Variants in ABTB2 observed in about 807,000 individuals in gnomAD.
ABTB2 encodes ankyrin repeat and BTB domain containing 2.
Under a neutral mutation model 104.1 loss-of-function variants are expected in ABTB2, and 56 were observed. The observed-to-expected ratio is 0.54, with a 90% CI of 0.43 to 0.67. The LOEUF (loss-of-function observed/expected upper bound fraction) is 0.67. ABTB2 is among the 30% of genes least tolerant of loss of function. The probability of loss-of-function intolerance (pLI) is 0.00; values close to 1 mark genes in which losing one functional copy is unlikely to be tolerated. For synonymous variants in ABTB2, 606 were observed against 608.2 expected (o/e 1.00, Z 0.05); for missense variants, 1,279 against 1,407.7 (o/e 0.91, Z 1.46).
intron 1 of ABTB2, among the ~76,000 whole-genome samples, chr11:34,321,775 GA>G (rs1855007288): frequency 6.6e-6 from 1 of 152,176 alleles, no homozygotes; most frequent in Non-Finnish European, 1.5e-5. Context: ...CAAGTCTCAA[GA>G]CCCCAAACCA....
At position 34,151,215 on chromosome 11, in the gene ABTB2, GAATA is replaced by G. The variant is rs1346684084; in HGVS notation, c.*1168_*1171del. The G allele has an allele frequency of 6.6e-6, 1 of 152,560 alleles. No homozygotes were observed. The highest frequency in any genetic ancestry group is 2.4e-5 in the African/African-American group (1 of 41,466). 9.5% of individuals were successfully genotyped at this position (152,560 alleles called of 1,614,324 possible). A position where few individuals can be genotyped will look rare whatever the true frequency, so the allele number is the denominator to read the frequency against. ...TTCTGAAATGCCTGGGGCTTTTGGT[GAATA>G]AATAGTTTTTAAGGTGCGGCCAGAC... is the stretch of plus-strand genomic sequence containing the variant. On this transcript the variant is annotated 3_prime_UTR_variant, in exon 17 of 17. Transcript: ENST00000435224.
At chr11:34,269,072 C>A (rs75974522) in intron 1 of ABTB2, among the ~76,000 whole-genome samples, 5,352 of 152,278 alleles carry the variant, frequency 0.035, 184 homozygotes, top group African/African-American at 0.085. Flanking sequence ...GTGTTTCTTG[C>A]CAGTTTGTGG....
At chr11:34,307,201 A>G (rs1854787612) in intron 1 of ABTB2, among the ~76,000 whole-genome samples, 1 of 152,072 alleles carries the variant, frequency 6.6e-6, no homozygotes, top group Admixed American at 6.6e-5. Context: ...TGGTATTGTG[A>G]GAACTGTTCA....
At chr11:34,283,187 G>A (rs1854468572) in intron 1 of ABTB2, among the ~76,000 whole-genome samples, 1 of 149,680 alleles carries the variant, frequency 6.7e-6, no homozygotes. Flanking sequence ...CAAAGTGCTG[G>A]GATTACAGGC....
chr11:34,185,910 A>G (rs1853091529), intron 3 of ABTB2, among the ~76,000 whole-genome samples: 2 of 152,236 alleles, frequency 1.3e-5, no homozygotes, highest in African/African-American at 4.8e-5. Context: ...GAATGTATAC[A>G]TGTATTTAAC....
At position 34,357,720 on chromosome 11, in the gene ABTB2, G is replaced by T; in HGVS notation, c.-137C>A. ...CTCTGCGTCGCGGGGCTCGGCGGCC[G>T]CATTGCCTGCCCGGAGGCCGCGGGA... is the stretch of plus-strand genomic sequence containing the variant. On this transcript the variant is annotated 5_prime_UTR_variant, in exon 1 of 17. Transcript: ENST00000435224. The T allele has an allele frequency of 1.0e-6, 1 of 1,003,406 alleles. No homozygotes were observed. The highest frequency in any genetic ancestry group is 1.3e-6 in the Non-Finnish European group (1 of 743,900). The allele number at this position is 1,003,406 out of a possible 1,614,324, so 62.2% of individuals were successfully genotyped here.
intron 1 of ABTB2, among the ~76,000 whole-genome samples, chr11:34,348,391 A>G (rs10768063): frequency 0.16 from 23,999 of 152,110 alleles, 3,312 homozygotes; most frequent in African/African-American, 0.36. Flanking sequence ...TTCCTGTGTT[A>G]TCTCCACTGT....
intron 3 of ABTB2, among the ~76,000 whole-genome samples, chr11:34,195,086 A>AGGGGGGGGG (rs1442576699): frequency 2.6e-5 from 1 of 38,066 alleles, no homozygotes; most frequent in Non-Finnish European, 6.8e-5. Flanking sequence ...GGGGGGGGGG[A>AGGGGGGGGG]GTGGGGGCGG....
intron 1 of ABTB2, among the ~76,000 whole-genome samples, chr11:34,281,677 G>A (rs545070227): frequency 2.0e-5 from 3 of 152,340 alleles, no homozygotes; most frequent in Non-Finnish European, 4.4e-5. Flanking sequence ...CCGAGTTCCA[G>A]TATGTTGATA....
chr11:34,187,267 T>C (rs528077128), intron 3 of ABTB2, among the ~76,000 whole-genome samples: 10 of 152,292 alleles, frequency 6.6e-5, no homozygotes, highest in African/African-American at 2.4e-4. Flanking sequence ...CCATTGCACA[T>C]AGGCACTATG....
chr11:34,235,042 T>C (rs975653484), intron 1 of ABTB2, among the ~76,000 whole-genome samples: 2 of 152,078 alleles, frequency 1.3e-5, no homozygotes, highest in Admixed American at 6.5e-5. Flanking sequence ...TTTGTATTTT[T>C]AGTAGAGATG....
At chr11:34,344,110 AC>A (rs1186333047) in intron 1 of ABTB2, among the ~76,000 whole-genome samples, 1 of 152,102 alleles carries the variant, frequency 6.6e-6, no homozygotes, top group Non-Finnish European at 1.5e-5. Flanking sequence ...CAAATTTCAG[AC>A]CCACACTTGA....
chr11:34,220,451 G>A lies in ABTB2; in HGVS notation c.884-15761C>T, dbSNP rs541576121. Among the ~76,000 whole-genome samples, 4 of 152,326 alleles carry A rather than the reference G, an allele frequency of 2.6e-5. No individual in the cohort carries two copies. The South Asian group carries it at 8.3e-4, about 32-fold the overall frequency. ...AATACTACTTCTCCTGATCAAAAGG[G>A]ATAATCAGCTCTCTGGCTGGCAGGG... On this transcript the variant is annotated intron_variant, in intron 1 of 16. Transcript: ENST00000435224.
intron 1 of ABTB2, among the ~76,000 whole-genome samples, chr11:34,325,699 C>T (rs1203694867): frequency 1.3e-5 from 2 of 152,100 alleles, no homozygotes; most frequent in African/African-American, 4.8e-5. Flanking sequence ...GCCTGCAATC[C>T]CAGCACTTTG....
At chr11:34,160,864 G>A in intron 11 of ABTB2, 39 bp downstream of exon 11, 1 of 1,564,168 alleles carries the variant, frequency 6.4e-7, no homozygotes. Flanking sequence ...GTCTGAGTCT[G>A]GGCCGTGGGC....
chr11:34,163,148 A>G (rs1490720689), intron 9 of ABTB2, among the ~76,000 whole-genome samples: 1 of 152,164 alleles, frequency 6.6e-6, no homozygotes, highest in African/African-American at 2.4e-5. Context: ...GGGATATATT[A>G]CAGGGTGTCA....
At chr11:34,284,154 A>G (rs1265408416) in intron 1 of ABTB2, among the ~76,000 whole-genome samples, 1 of 152,254 alleles carries the variant, frequency 6.6e-6, no homozygotes, top group Admixed American at 6.5e-5. Context: ...TCTGGGCTGT[A>G]AGGCCCAATC....
At chr11:34,319,950 G>A (rs1015908249) in intron 1 of ABTB2, among the ~76,000 whole-genome samples, 1 of 152,128 alleles carries the variant, frequency 6.6e-6, no homozygotes, top group African/African-American at 2.4e-5. Flanking sequence ...TTACAGGTGT[G>A]AGACACTGTG....
chr11:34,308,046 G>A (rs866980323), intron 1 of ABTB2, among the ~76,000 whole-genome samples: 1 of 152,106 alleles, frequency 6.6e-6, no homozygotes, highest in Non-Finnish European at 1.5e-5. Context: ...GGATTTTTTG[G>A]AATCAGGACC....
Sources: allele counts gnomAD v4.1 joint callset (sites outside exome capture counted in the v4.1 genomes callset), GRCh38; gene constraint gnomAD v4.1.1; transcripts MANE v1.5; gene names NCBI Gene and HGNC (gene_info 2026-07-23, HGNC 2026-07-21).